SMU1: variants seen among roughly 807,000 people sequenced by gnomAD.
SMU1 encodes the protein WD40 repeat-containing protein SMU1.
A neutral mutation model predicts 62.0 loss-of-function variants in SMU1; 2 were observed. The observed-to-expected ratio is 0.03, with a 90% CI of 0.01 to 0.10. The LOEUF is 0.10. Among genes scored for constraint, SMU1 ranks in the 10% least tolerant of loss-of-function variants. The pLI is 1.00. For missense variants in SMU1, 227 were observed against 622.1 expected, an observed-to-expected ratio of 0.36 and a Z score of 6.76; for synonymous variants, 188 against 212.4, an observed-to-expected ratio of 0.89 and a Z score of 1.00.
intron 3 of SMU1, 112 bp from the exon 4 acceptor site, chr9:33,069,046 T>C (rs1215994686): frequency 1.4e-6 from 2 of 1,399,590 alleles, no homozygotes; most frequent in South Asian, 1.6e-5. Context: ...TGAAAAGAAA[T>C]TACCCAGTTA....
chr9:33,056,008 A>G, intron 9 of SMU1, 105 bp downstream of exon 9: 1 of 1,135,414 alleles, frequency 8.8e-7, no homozygotes, highest in Non-Finnish European at 1.2e-6. Flanking sequence ...TAGCCAGGAA[A>G]GAGGTTTACT....
At chr9:33,070,636 C>A (rs1839475555) in intron 3 of SMU1, among the ~76,000 whole-genome samples, 2 of 152,138 alleles carry the variant, frequency 1.3e-5, no homozygotes, top group South Asian at 4.1e-4. Flanking sequence ...CGATAAGTGA[C>A]CATTAACAGA....
rs942084644 is a variant in SMU1 at position 33,047,079 on chromosome 9, C to T, written c.*214G>A. The T allele has an allele frequency of 7.2e-6, 3 of 417,964 alleles. No homozygotes were observed. Among genetic ancestry groups the T allele is most frequent in the Non-Finnish European group, 1.3e-5 (3 of 235,356 alleles). The allele number at this position is 417,964 out of a possible 1,614,324, so 25.9% of individuals were successfully genotyped here. On this transcript the variant is annotated 3_prime_UTR_variant, in exon 12 of 12. Transcript: ENST00000397149. ...GATTAATGAAAACATTAAGTGACTG[C>T]ACCAGTTAGAAGAAGATAAACTAAT...
intron 4 of SMU1, among the ~76,000 whole-genome samples, chr9:33,067,250 G>A (rs759693688): frequency 1.5e-5 from 2 of 134,848 alleles, no homozygotes; most frequent in Non-Finnish European, 3.1e-5. Flanking sequence ...AGGAGAGTGG[G>A]TATAAGACAA....
chr9:33,063,962 G>C lies in SMU1; in HGVS notation c.502-1785C>G, dbSNP rs540008682. ...GTTGAACTTTTCTCTGTATTCATTAGATATATTTCCTCTTCTGTTAACTGT... is the reference window on the plus strand; with the variant it reads ...GTTGAACTTTTCTCTGTATTCATTACATATATTTCCTCTTCTGTTAACTGT... On this transcript the variant is annotated intron_variant, in intron 4 of 11. Transcript: ENST00000397149. 9.2e-5 allele frequency among the ~76,000 whole-genome samples: 14 copies of C among 152,240 alleles called. No individual in the cohort carries two copies. The South Asian group carries it at 1.9e-3, about 20-fold the overall frequency.
intron 11 of SMU1, 131 bp from the exon 12 acceptor site, chr9:33,047,522 G>T: frequency 1.6e-6 from 1 of 617,978 alleles, no homozygotes; most frequent in Non-Finnish European, 2.8e-6. Flanking sequence ...ATAGGAGAAA[G>T]ATGGAGGAGG....
intron 8 of SMU1, 63 bp downstream of exon 8, chr9:33,056,774 A>G: frequency 2.7e-6 from 4 of 1,502,462 alleles, no homozygotes; most frequent in Admixed American, 3.6e-5. Flanking sequence ...AATCACTAGT[A>G]CCTCCCTCCA....
intron 4 of SMU1, among the ~76,000 whole-genome samples, chr9:33,066,451 A>AGGCAGAGGCAGGATAGTCTG: frequency 6.7e-6 from 1 of 148,266 alleles, no homozygotes; most frequent in Non-Finnish European, 1.5e-5. Context: ...GTACTTAGGA[A>AGGCAGAGGCAGGATAGTCTG]GGCAGAGGCA....
intron 4 of SMU1, among the ~76,000 whole-genome samples, chr9:33,066,449 G>C (rs1839420182): frequency 6.8e-6 from 1 of 147,856 alleles, no homozygotes; most frequent in East Asian, 2.0e-4. Flanking sequence ...CAGTACTTAG[G>C]AAGGCAGAGG....
In SMU1 at chr9:33,044,393, G is replaced by A. The variant is rs1188377371; in HGVS notation, c.*2900C>T. The A allele has an allele frequency of 1.3e-5, 2 of 152,268 alleles. No individual in the cohort carries two copies. The highest frequency in any genetic ancestry group is 2.9e-5 in the Non-Finnish European group (2 of 68,082). The allele number at this position is 152,268 out of a possible 1,614,324, so 9.4% of individuals were successfully genotyped here. A position where few individuals can be genotyped will look rare whatever the true frequency, so the allele number is the denominator to read the frequency against. ...GCGCAGTCTCCCTACCCCCGGTAAG[G>A]GGCTCTACCGGCCCTGGACCCAAGA... On this transcript the variant is annotated 3_prime_UTR_variant, in exon 12 of 12. Coordinates refer to ENST00000397149, the MANE Select transcript of SMU1 (RefSeq NM_018225.3).
At chr9:33,047,519 A>G (rs1267772926) in intron 11 of SMU1, 128 bp from the exon 12 acceptor site, 1 of 629,848 alleles carries the variant, frequency 1.6e-6, no homozygotes, top group Admixed American at 3.4e-5. Context: ...GGCATAGGAG[A>G]AAGATGGAGG....
rs555861860 is a variant in SMU1 at position 33,053,708 on chromosome 9, G to A, written c.1123-418C>T. On this transcript the variant is annotated intron_variant, in intron 9 of 11. Coordinates refer to ENST00000397149, the MANE Select transcript of SMU1 (RefSeq NM_018225.3). ...TAAGTTTTGCTTTTTAGAATTTTGT[G>A]GAATTTTCTTTTTTTTCCCCAAATA... Among the ~76,000 whole-genome samples the A allele has an allele frequency of 2.0e-5, 3 of 152,240 alleles. No homozygotes were observed. In the South Asian group the frequency reaches 6.2e-4, roughly 32 times the overall value.
At position 33,042,436 on chromosome 9, in the gene SMU1, C is replaced by A. The variant is rs1839136430; in HGVS notation, c.*4857G>T. The A allele has an allele frequency of 6.6e-6, 1 of 152,554 alleles. No individual in the cohort carries two copies. Among genetic ancestry groups the A allele is most frequent in the African/African-American group, 2.4e-5 (1 of 41,444 alleles). 9.5% of individuals were successfully genotyped at this position (152,554 alleles called of 1,614,324 possible). On this transcript the variant is annotated 3_prime_UTR_variant, in exon 12 of 12. Coordinates refer to ENST00000397149, the MANE Select transcript of SMU1 (RefSeq NM_018225.3). ...AAAAATACAAGTTCCAGCACTAACT[C>A]TGCTTTCTCTGTGATGCTTCTCCTG...
Position 33,076,632 on chromosome 9 carries a change from C to G in SMU1, c.-24G>C, listed in dbSNP as rs371934377. The G allele has an allele frequency of 1.2e-5, 19 of 1,613,766 alleles. No homozygotes were observed. The highest frequency in any genetic ancestry group is 1.7e-5 in the Admixed American group (1 of 60,026). On this transcript the variant is annotated 5_prime_UTR_variant, in exon 1 of 12. Coordinates refer to ENST00000397149, the MANE Select transcript of SMU1 (RefSeq NM_018225.3). The stretch of plus-strand genomic sequence containing the variant: ...ATAGCCGTATCTCTCCGGGAGCAGG[C>G]CCCAGCTCTCCCTCAAGGCCAGTCG...
At position 33,053,407 on chromosome 9, in the gene SMU1, A is replaced by G. The variant is rs1035631929; in HGVS notation, c.1123-117T>C. 4 of 1,073,672 alleles carry G rather than the reference A, an allele frequency of 3.7e-6. No homozygotes were observed. The East Asian group carries it at 7.8e-5, about 21-fold the overall frequency. 66.5% of individuals were successfully genotyped at this position (1,073,672 alleles called of 1,614,324 possible). A position where few individuals can be genotyped will look rare whatever the true frequency, so the allele number is the denominator to read the frequency against. On this transcript the variant is annotated intron_variant, in intron 9 of 11. Coordinates refer to ENST00000397149, the MANE Select transcript of SMU1 (RefSeq NM_018225.3). ...GAATAGAAATGATTCAGGGGAAAAA[A>G]GTTTCTTACTTGATTTTAGGTCCAA...
At chr9:33,055,487 G>A (rs1215500020) in intron 9 of SMU1, among the ~76,000 whole-genome samples, 1 of 152,174 alleles carries the variant, frequency 6.6e-6, no homozygotes, top group Non-Finnish European at 1.5e-5. Flanking sequence ...TGTAAATAGT[G>A]TCTCAAAGAT....
chr9:33,053,201 A>T lies in SMU1; in HGVS notation c.1212T>A (p.Ile404=), dbSNP rs144069590. The T allele has an allele frequency of 4.8e-5, 78 of 1,612,382 alleles. No individual in the cohort carries two copies. In the African/African-American group the frequency reaches 9.7e-4, roughly 20 times the overall value. Residue 404 remains isoleucine, a synonymous_variant, in exon 10 of 12, where the codon ATT becomes ATA. Coordinates refer to ENST00000397149, the MANE Select transcript of SMU1 (RefSeq NM_018225.3). Reference sequence around the variant, plus strand: ...AGTGCTCAGGGTTTTTAGGAAGTAGAATCACACTGTTGACGGTAATATCTG... The same window carrying T: ...AGTGCTCAGGGTTTTTAGGAAGTAGTATCACACTGTTGACGGTAATATCTG... ...AGTDITVNSV[I]LLPKNPEHFV... is the part of the protein sequence containing the mutation.
chr9:33,050,897 G>A lies in SMU1; in HGVS notation c.1290+2226C>T, dbSNP rs1414311730. ...AGCACTTTGGGAGGCCGAGGCGGGC[G>A]GATCACGAGGTCAGGAGATCGAGAC... On this transcript the variant is annotated intron_variant, in intron 10 of 11. Coordinates refer to ENST00000397149, the MANE Select transcript of SMU1 (RefSeq NM_018225.3). Among the ~76,000 whole-genome samples the A allele has an allele frequency of 1.9e-4, 14 of 71,976 alleles. 1 individual carries two copies. The highest frequency in any genetic ancestry group is 1.7e-4 in the Non-Finnish European group (5 of 28,862). The allele number at this position is 71,976 out of a possible 152,430, so 47.2% of individuals were successfully genotyped here. A position where few individuals can be genotyped will look rare whatever the true frequency, so the allele number is the denominator to read the frequency against.
intron 9 of SMU1, 78 bp downstream of exon 9, chr9:33,056,035 C>T: frequency 7.0e-7 from 1 of 1,421,422 alleles, no homozygotes; most frequent in Admixed American, 2.0e-5. Context: ...CAATCATTCC[C>T]ATTATCACCA....
Sources: gnomAD v4.1 joint callset for allele counts (sites outside exome capture counted in the v4.1 genomes callset) on GRCh38, gnomAD v4.1.1 for gene constraint, MANE v1.5 for transcripts, NCBI Gene and HGNC (gene_info 2026-07-23, HGNC 2026-07-21) for gene names.